Variants in TNFSF14 observed in about 807,000 individuals in gnomAD.
TNFSF14 encodes the protein tumor necrosis factor ligand superfamily member 14.
TNFSF14 carries 15 observed loss-of-function variants against 22.7 expected under a neutral mutation model. The observed-to-expected ratio is 0.66, with a 90% confidence interval of 0.44 to 1.02. TNFSF14 has a LOEUF of 1.02. TNFSF14 is among the 50% of genes least tolerant of loss of function. The pLI, the probability that TNFSF14 is intolerant of heterozygous loss-of-function variation, is 0.00. For missense variants in TNFSF14, 287 were observed against 326.2 expected (o/e 0.88, Z 0.93); for synonymous variants, 133 against 139.6 (o/e 0.95, Z 0.33).
In TNFSF14 at chr19:6,665,222, T is replaced by C. The variant is rs1018035508; in HGVS notation, c.427A>G (p.Ile143Val). 2 of 1,613,994 alleles carry C rather than the reference T, an allele frequency of 1.2e-6. No homozygotes were observed. Among genetic ancestry groups the C allele is most frequent in the Admixed American group, 3.3e-5 (2 of 60,000 alleles). The change falls in exon 4 of 4, where the codon ATC (isoleucine) becomes GTC (valine). Residue 143 changes from isoleucine to valine, a missense_variant. Transcript: ENST00000675206. ...CCGCCCAGCTGCACCTTGGAGTAGA[T>C]GTAGTAGTAGCCAGCTTTGGTGACC... ...LVVTKAGYYYIYSKVQLGGVG... is the reference protein window; with the variant it reads ...LVVTKAGYYYVYSKVQLGGVG...
At chr19:6,667,365 C>T in intron 2 of TNFSF14, 48 bp downstream of exon 2, 1 of 1,509,256 alleles carries the variant, frequency 6.6e-7, no homozygotes, top group Non-Finnish European at 8.8e-7. Flanking sequence ...GTGGGGGTGG[C>T]ATGGGAATCA....
Position 6,665,313 on chromosome 19 carries a change from C to T in TNFSF14, c.336G>A (p.Leu112=). 2 of 1,604,926 alleles carry T rather than the reference C, an allele frequency of 1.2e-6. No individual in the cohort carries two copies. The highest frequency in any genetic ancestry group is 1.7e-6 in the Non-Finnish European group (2 of 1,175,870). ...NSSLTGSGGP[L]LWETQLGLAF... is the part of the protein sequence containing the mutation. Reference sequence around the variant, plus strand: ...CCAGGCCCAGCTGAGTCTCCCATAACAGCGGCCCCCCGCTGCCGGTCAAGC... The same window carrying T: ...CCAGGCCCAGCTGAGTCTCCCATAATAGCGGCCCCCCGCTGCCGGTCAAGC... Residue 112 remains leucine (L), a synonymous_variant, in exon 4 of 4, where the codon CTG becomes CTA. Coordinates refer to ENST00000675206, the MANE Select transcript of TNFSF14 (RefSeq NM_001376887.1).
Position 6,665,263 on chromosome 19 carries a change from T to C in TNFSF14, c.386A>G (p.His129Arg). Residue 129 changes from histidine (H) to arginine (R), a missense_variant, in exon 4 of 4, where the codon CAC (histidine) becomes CGC (arginine). Physicochemically the swap from His to Arg is conservative, Grantham distance 29. Transcript: ENST00000675206. ...TTTGGTGACCACAAGGGCCCCATCG[T>C]GGTAGCTGAGGCCCCTCAGGAAGGC... ...GLAFLRGLSY[H>R]DGALVVTKAG... is the part of the protein sequence containing the mutation. The C allele has an allele frequency of 6.2e-7, 1 of 1,613,890 alleles. No individual in the cohort carries two copies. The highest frequency in any genetic ancestry group is 1.1e-5 in the South Asian group (1 of 91,074).
At position 6,664,537 on chromosome 19, in the gene TNFSF14, T is replaced by C. The variant is rs1285333832; in HGVS notation, c.*389A>G. The C allele has an allele frequency of 1.2e-5, 2 of 160,334 alleles. No individual in the cohort carries two copies. The highest frequency in any genetic ancestry group is 4.8e-5 in the African/African-American group (2 of 41,590). 9.9% of individuals were successfully genotyped at this position (160,334 alleles called of 1,614,324 possible). ...AAGATCTGTTTCCTGAGTTTTCTTT[T>C]TTCTTCCTTTCTTTTTTTTGAGGCA... On this transcript the variant is annotated 3_prime_UTR_variant, in exon 4 of 4. Transcript: ENST00000675206. This position sits in a 1 kb window ranked among gnomAD's most constrained non-coding sequence, Gnocchi z 4.7.
At position 6,664,797 on chromosome 19, in the gene TNFSF14, C is replaced by G. The variant is rs910584616; in HGVS notation, c.*129G>C. On this transcript the variant is annotated 3_prime_UTR_variant, in exon 4 of 4. Transcript: ENST00000675206. The surrounding 1 kb of genome is among the most constrained non-coding windows in gnomAD (Gnocchi z 4.7). ...TCAGGTGATCCGCCTGCCTTGGCCT[C>G]CCAAAGTGCTGGGATTACAGGCGAG... The G allele has an allele frequency of 4.1e-5, 52 of 1,269,356 alleles. No homozygotes were observed. Among genetic ancestry groups the G allele is most frequent in the Non-Finnish European group, 5.5e-5 (51 of 927,528 alleles). The allele number at this position is 1,269,356 out of a possible 1,614,324, so 78.6% of individuals were successfully genotyped here.
At position 6,667,123 on chromosome 19, in the gene TNFSF14, C is replaced by T. The variant is rs962520541; in HGVS notation, c.288G>A (p.Ala96=). The change falls in exon 3 of 4, where the codon GCG becomes GCA. Residue 96 remains alanine, a synonymous_variant. Coordinates refer to ENST00000675206, the MANE Select transcript of TNFSF14 (RefSeq NM_001376887.1). ...ERRSHEVNPA[A]HLTGANSSLT... is the part of the protein sequence containing the mutation. ...CAGGGTCCCTCTCACCTGTGAGATG[C>T]GCTGCTGGGTTGACCTCGTGAGACC... 21 of 1,604,834 alleles carry T rather than the reference C, an allele frequency of 1.3e-5. No individual in the cohort carries two copies. The highest frequency in any genetic ancestry group is 2.2e-5 in the South Asian group (2 of 89,900).
chr19:6,663,066 C>G lies in TNFSF14; in HGVS notation c.*1860G>C, dbSNP rs1917287321. ...CCCCCCATCCGACTCCTCCCTTTCC[C>G]TGTGGGGCTCTTTAGGCCTGACAAT... is the stretch of plus-strand genomic sequence containing the variant. On this transcript the variant is annotated 3_prime_UTR_variant, in exon 4 of 4. Coordinates refer to ENST00000675206, the MANE Select transcript of TNFSF14 (RefSeq NM_001376887.1). 1 of 152,318 alleles carries G rather than the reference C, an allele frequency of 6.6e-6. No individual in the cohort carries two copies. The highest frequency in any genetic ancestry group is 2.4e-5 in the African/African-American group (1 of 41,468). The allele number at this position is 152,318 out of a possible 1,614,324, so 9.4% of individuals were successfully genotyped here. A position where few individuals can be genotyped will look rare whatever the true frequency, so the allele number is the denominator to read the frequency against.
At chr19:6,665,383 G>A (rs1429561785) in intron 3 of TNFSF14, 33 bp from the exon 4 acceptor site, 13 of 1,499,276 alleles carry the variant, frequency 8.7e-6, no homozygotes, top group African/African-American at 2.8e-5. Context: ...GGGGGCTGCC[G>A]GTCAGCACAT....
intron 3 of TNFSF14, among the ~76,000 whole-genome samples, chr19:6,665,978 A>G (rs72988349): frequency 0.026 from 4,029 of 152,148 alleles, 70 homozygotes; most frequent in Non-Finnish European, 0.041. Context: ...TGCTTTGCAG[A>G]GGAGGGAAAC....
rs749053043 is a variant in TNFSF14, at chr19:6,667,418, A to C, written c.251T>G (p.Ile84Arg). 2.6e-6 allele frequency: 4 copies of C among 1,548,728 alleles called. No individual in the cohort carries two copies. Among genetic ancestry groups the C allele is most frequent in the Admixed American group, 4.7e-5 (2 of 42,434 alleles). Reference protein sequence around the residue: ...DGPAGSWEQLIQERRSHEVNP... With the variant: ...DGPAGSWEQLRQERRSHEVNP... The stretch of plus-strand genomic sequence containing the variant: ...GGGCCAGGACCCTGACTCACCTTGT[A>C]TCAGCTGCTCCCAGGAGCCTGCAGG... The change falls in exon 2 of 4, where the codon ATA (isoleucine) becomes AGA (arginine). Residue 84 changes from isoleucine to arginine, a missense_variant. By Grantham distance (97) the Ile-to-Arg change is moderately conservative (BLOSUM62 -3). Coordinates refer to ENST00000675206, the MANE Select transcript of TNFSF14 (RefSeq NM_001376887.1).
In TNFSF14 at chr19:6,665,291, G is replaced by A; in HGVS notation, c.358C>T (p.Leu120=). ...TAGCTGAGGCCCCTCAGGAAGGCCAGGCCCAGCTGAGTCTCCCATAACAGC... is the reference window on the plus strand; with the variant it reads ...TAGCTGAGGCCCCTCAGGAAGGCCAAGCCCAGCTGAGTCTCCCATAACAGC... The part of the protein sequence containing the change: ...GPLLWETQLG[L]AFLRGLSYHD... Residue 120 remains leucine (L), a synonymous_variant, in exon 4 of 4, where the codon CTG becomes TTG. Transcript: ENST00000675206. 3.1e-6 allele frequency: 5 copies of A among 1,612,344 alleles called. No homozygotes were observed. Among genetic ancestry groups the A allele is most frequent in the Non-Finnish European group, 4.2e-6 (5 of 1,179,496 alleles).
At chr19:6,669,569 A>G (rs1229399337) in intron 1 of TNFSF14, among the ~76,000 whole-genome samples, 3 of 152,134 alleles carry the variant, frequency 2.0e-5, no homozygotes, top group African/African-American at 7.2e-5. Context: ...CGACGGGTGG[A>G]GCTGGCATCG....
rs748444949 is a variant in TNFSF14 at position 6,665,367 on chromosome 19, G to A, written c.299-17C>T. 8 of 1,528,886 alleles carry A rather than the reference G, an allele frequency of 5.2e-6. No individual in the cohort carries two copies. The African/African-American group carries it at 5.5e-5, about 11-fold the overall frequency. The allele number at this position is 1,528,886 out of a possible 1,614,324, so 94.7% of individuals were successfully genotyped here. A position where few individuals can be genotyped will look rare whatever the true frequency, so the allele number is the denominator to read the frequency against. ...AGTTGGCCCCTGTTGGGAAGAGAGAGACAAAGGGGGCTGCCGGTCAGCACA... is the reference window on the plus strand; with the variant it reads ...AGTTGGCCCCTGTTGGGAAGAGAGAAACAAAGGGGGCTGCCGGTCAGCACA... On this transcript the variant is annotated splice_polypyrimidine_tract_variant and intron_variant, in intron 3 of 3. Transcript: ENST00000675206.
chr19:6,667,554 A>T (rs916095615), intron 1 of TNFSF14, 105 bp from the exon 2 acceptor site: 4 of 1,261,436 alleles, frequency 3.2e-6, no homozygotes, highest in Non-Finnish European at 3.2e-6. Context: ...CACCGACACC[A>T]CCCTCAGACA....
At position 6,665,058 on chromosome 19, in the gene TNFSF14, C is replaced by G. The variant is rs1335300773; in HGVS notation, c.591G>C (p.Trp197Cys). 1 of 1,614,034 alleles carries G rather than the reference C, an allele frequency of 6.2e-7. No individual in the cohort carries two copies. Among genetic ancestry groups the G allele is most frequent in the Non-Finnish European group, 8.5e-7 (1 of 1,179,994 alleles). ...CGRATSSSRV[W>C]WDSSFLGGVV... Reference sequence around the variant, plus strand: ...CACCACCCAGGAAGCTGCTGTCCCACCAGACCCGGGAGCTGCTGGTGGCCC... The same window carrying G: ...CACCACCCAGGAAGCTGCTGTCCCAGCAGACCCGGGAGCTGCTGGTGGCCC... The change falls in exon 4 of 4, where the codon TGG becomes TGC. Residue 197 changes from tryptophan to cysteine, a missense_variant. By Grantham distance (215) the Trp-to-Cys change is radical (BLOSUM62 -2). Transcript: ENST00000675206.
intron 3 of TNFSF14, 135 bp from the exon 4 acceptor site, chr19:6,665,485 T>C: frequency 1.0e-6 from 1 of 990,242 alleles, no homozygotes; most frequent in African/African-American, 1.6e-5. Context: ...CTCGGCTTAC[T>C]GCACCCTCCG....
chr19:6,666,343 C>T (rs546161321), intron 3 of TNFSF14, among the ~76,000 whole-genome samples: 10 of 146,798 alleles, frequency 6.8e-5, no homozygotes, highest in South Asian at 2.2e-4. Context: ...TTGAGGGTGC[C>T]GTGAGCCGTG....
chr19:6,667,124 G>A lies in TNFSF14; in HGVS notation c.287C>T (p.Ala96Val), dbSNP rs1366649136. The A allele has an allele frequency of 8.1e-6, 13 of 1,604,268 alleles. No individual in the cohort carries two copies. The highest frequency in any genetic ancestry group is 1.7e-4 in the Middle Eastern group (1 of 6,028). Reference protein sequence around the residue: ...ERRSHEVNPAAHLTGANSSLT... With the variant: ...ERRSHEVNPAVHLTGANSSLT... ...AGGGTCCCTCTCACCTGTGAGATGCGCTGCTGGGTTGACCTCGTGAGACCT... is the reference window on the plus strand; with the variant it reads ...AGGGTCCCTCTCACCTGTGAGATGCACTGCTGGGTTGACCTCGTGAGACCT... Residue 96 changes from alanine to valine, a missense_variant, in exon 3 of 4, where the codon GCG (alanine) becomes GTG (valine). Ala to Val is a moderately conservative substitution (Grantham distance 64, BLOSUM62 0). Coordinates refer to ENST00000675206, the MANE Select transcript of TNFSF14 (RefSeq NM_001376887.1).
rs1599482790 is a variant in TNFSF14 at position 6,662,123 on chromosome 19, C to T, written c.*2803G>A. 6.6e-6 allele frequency: 1 copy of T among 152,310 alleles called. No individual in the cohort carries two copies. The highest frequency in any genetic ancestry group is 1.5e-5 in the Non-Finnish European group (1 of 68,052). 9.4% of individuals were successfully genotyped at this position (152,310 alleles called of 1,614,324 possible). A position where few individuals can be genotyped will look rare whatever the true frequency, so the allele number is the denominator to read the frequency against. Reference sequence around the variant, plus strand: ...TGGTGTGATCTCAGCTCACTGCAACCTCAACCTCCAGGGTTCCTGCCTCAG... The same window carrying T: ...TGGTGTGATCTCAGCTCACTGCAACTTCAACCTCCAGGGTTCCTGCCTCAG... On this transcript the variant is annotated 3_prime_UTR_variant, in exon 4 of 4. Transcript: ENST00000675206.
Sources: gnomAD v4.1 joint callset for allele counts (sites outside exome capture counted in the v4.1 genomes callset) on GRCh38, gnomAD v4.1.1 for gene constraint, Gnocchi (gnomAD v3.1) non-coding constraint, MANE v1.5 for transcripts, NCBI Gene and HGNC (gene_info 2026-07-23, HGNC 2026-07-21) for gene names.